The following TRAP1 variants were observed in gnomAD, a reference collection of about 807,000 sequenced individuals.
The protein encoded by TRAP1 is TNF receptor associated protein 1.
Under a neutral mutation model 89.1 loss-of-function variants are expected in TRAP1, and 102 were observed. The observed-to-expected ratio is 1.15, with a 90% CI of 0.98 to 1.35. The LOEUF is 1.35. Ranked by LOEUF, TRAP1 falls within the 40% of genes most tolerant of loss-of-function variation. The pLI, the probability that TRAP1 is intolerant of heterozygous loss-of-function variation, is 0.00. For missense variants in TRAP1, 1,256 were observed against 945.3 expected, an observed-to-expected ratio of 1.33 and a Z score of -4.31; for synonymous variants, 508 against 388.0, an observed-to-expected ratio of 1.31 and a Z score of -3.64.
rs770379259 is a variant in TRAP1, at chr16:3,664,422, G to A, written c.1421C>T (p.Ala474Val). 5.0e-6 allele frequency: 8 copies of A among 1,612,234 alleles called. No homozygotes were observed. The East Asian group carries it at 6.7e-5, about 13-fold the overall frequency. The part of the protein sequence containing the change: ...IAKLLRYESS[A>V]LPSGQLTSLS... ...GCTGGTTAGCTGCCCGGAGGGCAGCGCCGAGGACTCGTAGCGCAGCAGCTT... is the reference window on the plus strand; with the variant it reads ...GCTGGTTAGCTGCCCGGAGGGCAGCACCGAGGACTCGTAGCGCAGCAGCTT... Residue 474 changes from alanine to valine, a missense_variant, in exon 13 of 18, where the codon GCG (alanine) becomes GTG (valine). Physicochemically the swap from Ala to Val is moderately conservative, Grantham distance 64. Coordinates refer to ENST00000246957, the MANE Select transcript of TRAP1 (RefSeq NM_016292.3).
At chr16:3,685,906 G>T in intron 4 of TRAP1, 90 bp downstream of exon 4, 1 of 1,470,056 alleles carries the variant, frequency 6.8e-7, no homozygotes, top group Non-Finnish European at 9.3e-7. Flanking sequence ...CGGCCAGTAC[G>T]TCCCTGGGAC....
At position 3,679,763 on chromosome 16, in the gene TRAP1, C is replaced by T. The variant is rs1300959241; in HGVS notation, c.499G>A (p.Glu167Lys). 6.2e-6 allele frequency: 10 copies of T among 1,613,960 alleles called. No individual in the cohort carries two copies. Among genetic ancestry groups the T allele is most frequent in the African/African-American group, 4.0e-5 (3 of 74,948 alleles). ...ATCGTCCCCAGGTTGGACACCAGCT[C>T]TTCCTGTGTCATCCCGATACCAGTA... ...QDTGIGMTQE[E>K]LVSNLGTIAR... Residue 167 changes from glutamate to lysine, a missense_variant, in exon 5 of 18, where the codon GAG (glutamate) becomes AAG (lysine). Glu to Lys is a moderately conservative substitution (Grantham distance 56). Coordinates refer to ENST00000246957, the MANE Select transcript of TRAP1 (RefSeq NM_016292.3).
intron 7 of TRAP1, 127 bp downstream of exon 7, chr16:3,675,909 T>G (rs2050985418): frequency 1.3e-6 from 1 of 788,660 alleles, no homozygotes; most frequent in Admixed American, 2.8e-5. Flanking sequence ...CCGCAGCGGC[T>G]CGGCCCTTCA....
In TRAP1 at chr16:3,690,738, C is replaced by T; in HGVS notation, c.247+89G>A. 12 of 1,277,686 alleles carry T rather than the reference C, an allele frequency of 9.4e-6. 1 individual carries two copies. The South Asian group carries it at 3.4e-4, about 36-fold the overall frequency. The allele number at this position is 1,277,686 out of a possible 1,614,324, so 79.1% of individuals were successfully genotyped here. A position where few individuals can be genotyped will look rare whatever the true frequency, so the allele number is the denominator to read the frequency against. On this transcript the variant is annotated intron_variant, in intron 2 of 17. Transcript: ENST00000246957. ...TTTCACACCTAAGGCGGTGGCTCTA[C>T]CAATCACTGCCTCCACCCTGAAAAT...
rs1214564338 is a variant in TRAP1 at position 3,663,415 on chromosome 16, G to A, written c.1708+9C>T. 6.2e-7 allele frequency: 1 copy of A among 1,614,050 alleles called. No homozygotes were observed. Among genetic ancestry groups the A allele is most frequent in the South Asian group, 1.1e-5 (1 of 91,080 alleles). ...CCAGCCCCACGCCTAGAGAGCAGGG[G>A]ATGCCGACCTGGGGACCTGTCCTCA... On this transcript the variant is annotated intron_variant, in intron 14 of 17. Coordinates refer to ENST00000246957, the MANE Select transcript of TRAP1 (RefSeq NM_016292.3).
At chr16:3,670,547 C>CA in intron 11 of TRAP1, among the ~76,000 whole-genome samples, 1 of 151,462 alleles carries the variant, frequency 6.6e-6, no homozygotes, top group African/African-American at 2.4e-5. Context: ...CAAAAAAATA[C>CA]AAAAAAATTA....
chr16:3,666,197 C>G, intron 11 of TRAP1, 79 bp from the exon 12 acceptor site: 3 of 1,499,466 alleles, frequency 2.0e-6, no homozygotes, highest in Non-Finnish European at 1.8e-6. Flanking sequence ...AAAAAATGTT[C>G]AGCCCCGCTA....
At chr16:3,698,041 G>T (rs2051313791) in intron 1 of TRAP1, among the ~76,000 whole-genome samples, 2 of 151,922 alleles carry the variant, frequency 1.3e-5, no homozygotes, top group African/African-American at 4.8e-5. Flanking sequence ...TCGAACTCCT[G>T]ACCTCGTGAT....
intron 10 of TRAP1, 83 bp downstream of exon 10, chr16:3,672,617 A>T: frequency 6.8e-7 from 1 of 1,481,276 alleles, no homozygotes; most frequent in Non-Finnish European, 9.0e-7. Context: ...GGCTGCTGAG[A>T]ATGGAATCAG....
intron 2 of TRAP1, among the ~76,000 whole-genome samples, chr16:3,689,462 C>G (rs574526326): frequency 6.6e-6 from 1 of 152,022 alleles, no homozygotes; most frequent in Non-Finnish European, 1.5e-5. Flanking sequence ...GCCAGGATAG[C>G]CTCGATCTCC....
chr16:3,678,952 C>G (rs931058085), intron 5 of TRAP1, among the ~76,000 whole-genome samples: 21 of 152,152 alleles, frequency 1.4e-4, no homozygotes, highest in Non-Finnish European at 2.5e-4. Flanking sequence ...GGGATCAGTC[C>G]CCTCTCACAC....
Position 3,662,110 on chromosome 16 carries a change from T to C in TRAP1, c.1817A>G (p.His606Arg). The C allele has an allele frequency of 6.2e-7, 1 of 1,610,980 alleles. No individual in the cohort carries two copies. Among genetic ancestry groups the C allele is most frequent in the Non-Finnish European group, 8.5e-7 (1 of 1,178,902 alleles). ...NVKVTLRLDT[H>R]PAMVTVLEMG... ...CTCCAGCACGGTGACCATGGCAGGG[T>C]GGGTGTCCAGTCGGAGGGTCACCTG... Residue 606 changes from histidine (H) to arginine (R), a missense_variant, in exon 16 of 18, where the codon CAC becomes CGC. His to Arg is a conservative substitution (Grantham distance 29). Coordinates refer to ENST00000246957, the MANE Select transcript of TRAP1 (RefSeq NM_016292.3).
At chr16:3,659,884 G>C (rs552174641) in intron 16 of TRAP1, 1 of 152,068 alleles carries the variant, frequency 6.6e-6, no homozygotes, top group East Asian at 1.9e-4. Flanking sequence ...CAAGTAACTG[G>C]GATTACAGGC....
intron 4 of TRAP1, among the ~76,000 whole-genome samples, chr16:3,684,265 G>A (rs976771620): frequency 1.3e-5 from 2 of 152,176 alleles, no homozygotes; most frequent in African/African-American, 2.4e-5. Flanking sequence ...CCACCGGAAT[G>A]ATACTGTTGT....
In TRAP1 at chr16:3,671,763, C is replaced by T; in HGVS notation, c.1194G>A (p.Leu398=). Residue 398 remains leucine, a synonymous_variant, in exon 11 of 18, where the codon CTG becomes CTA. Coordinates refer to ENST00000246957, the MANE Select transcript of TRAP1 (RefSeq NM_016292.3). ...CCTGCAGCAGCTCCCGGCTGAGGTT[C>T]AGGGGAATGTCCTCACTGTCCACCA... ...RGVVDSEDIP[L]NLSRELLQES... The T allele has an allele frequency of 6.2e-6, 10 of 1,613,244 alleles. No individual in the cohort carries two copies. Among genetic ancestry groups the T allele is most frequent in the Non-Finnish European group, 7.6e-6 (9 of 1,180,020 alleles).
chr16:3,713,733 T>C (rs38025), intron 1 of TRAP1, among the ~76,000 whole-genome samples: 29,610 of 152,180 alleles, frequency 0.19, 2,978 homozygotes, highest in East Asian at 0.28. Context: ...TTTGGGAGAC[T>C]GCGTCTGCTG....
intron 3 of TRAP1, among the ~76,000 whole-genome samples, chr16:3,688,387 G>T (rs534394624): frequency 6.6e-6 from 1 of 152,100 alleles, no homozygotes. Flanking sequence ...AGCCAAAGCC[G>T]CCAAGACCTG....
At chr16:3,672,977 G>A (rs984615299) in intron 9 of TRAP1, among the ~76,000 whole-genome samples, 157 bp from the exon 10 acceptor site, 3 of 152,042 alleles carry the variant, frequency 2.0e-5, no homozygotes, top group Non-Finnish European at 2.9e-5. Flanking sequence ...GGGGCCCCAC[G>A]ATGCCCCACA....
chr16:3,692,864 G>A (rs1020590450), intron 1 of TRAP1, among the ~76,000 whole-genome samples: 30 of 151,984 alleles, frequency 2.0e-4, no homozygotes, highest in Non-Finnish European at 2.8e-4. Context: ...CTCCCAAAGT[G>A]CTAGGATTAC....
Sources: allele counts gnomAD v4.1 joint callset (sites outside exome capture counted in the v4.1 genomes callset), GRCh38; gene constraint gnomAD v4.1.1; transcripts MANE v1.5; gene names NCBI Gene and HGNC (gene_info 2026-07-23, HGNC 2026-07-21).